The following WNK2 variants were observed in gnomAD, a reference collection of about 807,000 sequenced individuals.
WNK2 encodes serine/threonine-protein kinase WNK2.
A neutral mutation model predicts 192.1 loss-of-function variants in WNK2; 67 were observed. That is an observed-to-expected ratio of 0.35 (90% CI 0.29 to 0.43). WNK2 has a LOEUF of 0.43. WNK2 is among the 20% of genes least tolerant of loss of function. The pLI is 1.00. For synonymous variants in WNK2, 1,439 were observed against 1,393.9 expected (o/e 1.03, Z -0.72); for missense variants, 2,698 against 3,089.7 (o/e 0.87, Z 3.01).
rs370831209 is a variant in WNK2, at chr9:93,289,273, G to A, written c.4519G>A (p.Val1507Ile). Residue 1507 changes from valine to isoleucine, a missense_variant, in exon 20 of 30, where the codon GTC becomes ATC. Val to Ile is a conservative substitution (Grantham distance 29, BLOSUM62 3). Transcript: ENST00000427277. ...CCTGCTTCCTGCCGCAGTGGGGGCC[G>A]TCAGCCTGGCCACCTCCCAGCTCCC... Reference protein sequence around the residue: ...APLLPAAVGAVSLATSQLPSP... With the variant: ...APLLPAAVGAISLATSQLPSP... The A allele has an allele frequency of 4.1e-5, 65 of 1,599,362 alleles. No homozygotes were observed. The highest frequency in any genetic ancestry group is 6.8e-5 in the Admixed American group (4 of 58,464).
chr9:93,307,538 T>C (rs1852802928), intron 27 of WNK2: 1 of 152,226 alleles, frequency 6.6e-6, no homozygotes, highest in East Asian at 1.9e-4. Flanking sequence ...TTTAGTCCCT[T>C]AAAAAACACT....
At chr9:93,242,733 G>A (rs2132352723) in intron 7 of WNK2, among the ~76,000 whole-genome samples, 1 of 152,334 alleles carries the variant, frequency 6.6e-6, no homozygotes, top group African/African-American at 2.4e-5. Flanking sequence ...GGAGGATGAG[G>A]ATGACCTGTG....
chr9:93,265,778 GACATCAGCC>G (rs956709788), intron 16 of WNK2, among the ~76,000 whole-genome samples: 2 of 152,222 alleles, frequency 1.3e-5, no homozygotes, highest in Non-Finnish European at 2.9e-5. Context: ...CCACACATGC[GACATCAGCC>G]ACATCAGCCT....
chr9:93,293,195 T>G lies in WNK2; in HGVS notation c.5708+22T>G, dbSNP rs994866102. 4.2e-6 allele frequency: 6 copies of G among 1,432,904 alleles called. No homozygotes were observed. The African/African-American group carries it at 5.8e-5, about 14-fold the overall frequency. The allele number at this position is 1,432,904 out of a possible 1,614,324, so 88.8% of individuals were successfully genotyped here. On this transcript the variant is annotated intron_variant, in intron 23 of 29. Transcript: ENST00000427277. ...AGAAGTAGGTCCTGCGGGCAGGAAG[T>G]GTTGCCCCCGCCCCTGGGCCATGGC...
At chr9:93,226,519 G>T (rs1456416784) in intron 2 of WNK2, among the ~76,000 whole-genome samples, 1 of 151,818 alleles carries the variant, frequency 6.6e-6, no homozygotes, top group Non-Finnish European at 1.5e-5. Flanking sequence ...CACAACTTAA[G>T]TGTGCAAGTT....
At chr9:93,274,540 A>G (rs1164864842) in intron 19 of WNK2, among the ~76,000 whole-genome samples, 3 of 149,132 alleles carry the variant, frequency 2.0e-5, no homozygotes, top group Admixed American at 1.3e-4. Context: ...AAAAAAAAAG[A>G]AAAAAAACAC....
rs114942579 is a variant in WNK2 at position 93,306,874 on chromosome 9, C to T, written c.6259+53C>T. ...TCCTCTCTCATCGCATGGGCTTTCT[C>T]GTGGCTAGCGCACATCAGGGTTCCC... On this transcript the variant is annotated intron_variant, in intron 27 of 29. Coordinates refer to ENST00000427277, the MANE Select transcript of WNK2 (RefSeq NM_006648.4). The T allele has an allele frequency of 1.2e-3, 1,896 of 1,611,970 alleles. 20 individuals carry two copies. The African/African-American group carries it at 0.019, about 16-fold the overall frequency.
rs545534825 is a variant in WNK2, at chr9:93,261,850, G to C, written c.3103G>C (p.Val1035Leu). 2 of 1,597,936 alleles carry C rather than the reference G, an allele frequency of 1.3e-6. No homozygotes were observed. The highest frequency in any genetic ancestry group is 1.3e-5 in the African/African-American group (1 of 74,852). The change falls in exon 13 of 30, where the codon GTC becomes CTC. Residue 1035 changes from valine (V) to leucine (L), a missense_variant. Val to Leu is a conservative substitution (Grantham distance 32). Around this residue, in one of 7 missense-constraint regions of WNK2, gnomAD observed 893 missense variants for 909.0 expected, o/e 0.98. Transcript: ENST00000427277. ...LGHPAPYAVD[V>L]AAQVPTVPVP... ...CCACCCAGCTCCCTATGCTGTGGACGTCGCCGCTCAGGTCCCCACCGTGCC... is the reference window on the plus strand; with the variant it reads ...CCACCCAGCTCCCTATGCTGTGGACCTCGCCGCTCAGGTCCCCACCGTGCC...
rs140204243 is a variant in WNK2, at chr9:93,278,492, C to T, written c.4033+9746C>T. ...GGTTTTGGGTACAGTACAAAAAAGG[C>T]GCTTGCCTCAGTCCTGGAGGATAAT... On this transcript the variant is annotated intron_variant, in intron 19 of 29. Coordinates refer to ENST00000427277, the MANE Select transcript of WNK2 (RefSeq NM_006648.4). Among the ~76,000 whole-genome samples the T allele has an allele frequency of 7.7e-3, 1,171 of 152,276 alleles. 8 individuals are homozygous for T. Among genetic ancestry groups the T allele is most frequent in the African/African-American group, 0.019 (772 of 41,538 alleles).
intron 2 of WNK2, among the ~76,000 whole-genome samples, chr9:93,205,086 G>A (rs1016958715): frequency 5.9e-5 from 9 of 152,198 alleles, no homozygotes; most frequent in African/African-American, 9.7e-5. Context: ...CTGTGTTAAC[G>A]TCTGTGGGAG....
At chr9:93,270,962 A>T (rs1488271543) in intron 19 of WNK2, among the ~76,000 whole-genome samples, 1 of 152,214 alleles carries the variant, frequency 6.6e-6, no homozygotes, top group African/African-American at 2.4e-5. Context: ...AGGTTTGGAA[A>T]GGTGAGTCCT....
chr9:93,190,594 C>T (rs903368880), intron 2 of WNK2, among the ~76,000 whole-genome samples: 4 of 152,246 alleles, frequency 2.6e-5, no homozygotes, highest in African/African-American at 9.6e-5. Flanking sequence ...CATTCCTCGT[C>T]AGCATGTTAG....
chr9:93,228,159 C>A (rs1014847624), intron 2 of WNK2, among the ~76,000 whole-genome samples: 4 of 152,182 alleles, frequency 2.6e-5, no homozygotes, highest in Non-Finnish European at 5.9e-5. Flanking sequence ...ATAGTCACTG[C>A]ACAGTCCCAC....
intron 20 of WNK2, 66 bp downstream of exon 20, chr9:93,289,686 G>T: frequency 7.2e-7 from 1 of 1,396,338 alleles, no homozygotes; most frequent in Non-Finnish European, 9.4e-7. Context: ...GCGCAGGCCC[G>T]GGGGTGGGCA....
chr9:93,299,873 T>C (rs1851300437), intron 25 of WNK2, among the ~76,000 whole-genome samples, 178 bp from the exon 26 acceptor site: 1 of 130,368 alleles, frequency 7.7e-6, no homozygotes, highest in African/African-American at 2.9e-5. Flanking sequence ...TCTCTTCTGC[T>C]CTCCCGCTGC....
At position 93,308,591 on chromosome 9, in the gene WNK2, G is replaced by A. The variant is rs1397639498; in HGVS notation, c.6516+7G>A. On this transcript the variant is annotated splice_region_variant and intron_variant, in intron 28 of 29. Transcript: ENST00000427277. ...CCCTGGCGAGGCGCGGGCTGTGAGT[G>A]CGGGGCGGGTGGGGCGGGTGCTCCT... 1.3e-6 allele frequency: 2 copies of A among 1,555,066 alleles called. No homozygotes were observed.
chr9:93,252,645 G>T (rs373450003), intron 8 of WNK2, among the ~76,000 whole-genome samples: 1 of 152,328 alleles, frequency 6.6e-6, no homozygotes, highest in Middle Eastern at 3.4e-3. Flanking sequence ...GGATTGGCAC[G>T]ATGTACCCGC....
intron 26 of WNK2, among the ~76,000 whole-genome samples, chr9:93,305,741 TC>T (rs1852402174): frequency 6.6e-6 from 1 of 152,134 alleles, no homozygotes; most frequent in African/African-American, 2.4e-5. Flanking sequence ...GTTTTCTGAG[TC>T]CCTGCAAGAT....
intron 20 of WNK2, 24 bp downstream of exon 20, chr9:93,289,644 G>C: frequency 6.9e-7 from 1 of 1,441,138 alleles, no homozygotes; most frequent in South Asian, 1.5e-5. Context: ...TTGTCCCAGA[G>C]ACACTGCCCT....
Sources: gnomAD v4.1 joint callset for allele counts (sites outside exome capture counted in the v4.1 genomes callset) on GRCh38, gnomAD v4.1.1 for gene constraint, gnomAD v4.1.1 regional missense constraint, MANE v1.5 for transcripts, NCBI Gene and HGNC (gene_info 2026-07-23, HGNC 2026-07-21) for gene names.